EXOC4: variants seen among roughly 807,000 people sequenced by gnomAD.
EXOC4 encodes the protein exocyst complex component 4.
In EXOC4, 71 loss-of-function variants were observed where a neutral mutation model predicts 107.2. The ratio of observed to expected loss-of-function variants is 0.66; its 90% confidence interval spans 0.55 to 0.81. The LOEUF (loss-of-function observed/expected upper bound fraction) is 0.81, where lower values mean the gene tolerates loss of function less well. Among genes scored for constraint, EXOC4 ranks in the 30% least tolerant of loss-of-function variants. The pLI is 0.00. For missense variants in EXOC4, 1,108 were observed against 1,189.6 expected (o/e 0.93, Z 1.01); for synonymous variants, 456 against 441.2 (o/e 1.03, Z -0.42).
intron 10 of EXOC4, among the ~76,000 whole-genome samples, chr7:133,780,198 C>T (rs1322771684): frequency 1.3e-5 from 2 of 151,668 alleles, no homozygotes; most frequent in Non-Finnish European, 2.9e-5. Context: ...TGAAGCAGTG[C>T]CCTAAATGCT....
rs1051649993 is a variant in EXOC4 at position 133,992,887 on chromosome 7, G to C, written c.2207-4605G>C. 3.3e-5 allele frequency among the ~76,000 whole-genome samples: 5 copies of C among 151,392 alleles called. No homozygotes were observed. The East Asian group carries it at 9.7e-4, about 29-fold the overall frequency. On this transcript the variant is annotated intron_variant, in intron 14 of 17. Transcript: ENST00000253861. ...CATTCAGTATATTAGCTGTGGGCCT[G>C]TCATAGATGGCCTTTATCATGATGA...
At chr7:133,836,791 G>A (rs950448084) in intron 11 of EXOC4, among the ~76,000 whole-genome samples, 4 of 151,998 alleles carry the variant, frequency 2.6e-5, no homozygotes, top group African/African-American at 4.8e-5. Context: ...TCCCTCAACC[G>A]CAAGTCCTTG....
At chr7:133,265,816 G>A (rs1362181171) in intron 1 of EXOC4, among the ~76,000 whole-genome samples, 3 of 152,100 alleles carry the variant, frequency 2.0e-5, no homozygotes, top group African/African-American at 4.8e-5. Context: ...TGCAGGTGTC[G>A]CCAAAATTCA....
chr7:133,517,494 C>G (rs1366427324), intron 9 of EXOC4, among the ~76,000 whole-genome samples: 1 of 152,152 alleles, frequency 6.6e-6, no homozygotes, highest in Non-Finnish European at 1.5e-5. Context: ...ATTTACAAAA[C>G]AAAGAGGTTT....
At chr7:133,510,453 G>A (rs146403029) in intron 9 of EXOC4, among the ~76,000 whole-genome samples, 159 of 152,230 alleles carry the variant, frequency 1.0e-3, no homozygotes, top group Admixed American at 2.4e-3. Context: ...TAACACACCT[G>A]GCTTTGAATC....
chr7:133,926,361 A>G (rs1800052565), intron 13 of EXOC4, among the ~76,000 whole-genome samples: 1 of 152,154 alleles, frequency 6.6e-6, no homozygotes, highest in Admixed American at 6.5e-5. Context: ...TTATTCCTTT[A>G]TTTTCATTGA....
At chr7:133,535,730 C>T (rs1438016026) in intron 9 of EXOC4, among the ~76,000 whole-genome samples, 1 of 151,556 alleles carries the variant, frequency 6.6e-6, no homozygotes, top group Non-Finnish European at 1.5e-5. Context: ...GATTTCAGCC[C>T]TGGAATCATA....
At chr7:134,099,620 C>T in the EXOC4 span, among the ~76,000 whole-genome samples, 3 of 151,352 alleles carry the variant, frequency 2.0e-5, no homozygotes, top group Non-Finnish European at 4.4e-5. Context: ...GGCTCCGCCC[C>T]CCGGGGTTCA....
chr7:133,583,994 A>T (rs374448367), intron 9 of EXOC4, among the ~76,000 whole-genome samples: 1 of 152,058 alleles, frequency 6.6e-6, no homozygotes, highest in South Asian at 2.1e-4. Flanking sequence ...GGGGAAGAAG[A>T]AGGGTTATAA....
intron 9 of EXOC4, among the ~76,000 whole-genome samples, chr7:133,616,870 A>T (rs1466428945): frequency 6.6e-6 from 1 of 152,178 alleles, no homozygotes; most frequent in Non-Finnish European, 1.5e-5. Context: ...GAAAAATGTA[A>T]ATAAAACCAT....
At chr7:133,572,220 C>T (rs1801038789) in intron 9 of EXOC4, among the ~76,000 whole-genome samples, 2 of 152,306 alleles carry the variant, frequency 1.3e-5, no homozygotes, top group South Asian at 4.1e-4. Flanking sequence ...AGGTTCTTTA[C>T]TGCACCACCC....
intron 9 of EXOC4, among the ~76,000 whole-genome samples, chr7:133,542,927 A>G (rs1800409140): frequency 6.6e-6 from 1 of 152,172 alleles, no homozygotes; most frequent in Non-Finnish European, 1.5e-5. Context: ...ATAAATGTTA[A>G]TAATATTAAG....
chr7:133,956,418 T>A lies in EXOC4; in HGVS notation c.2206+18349T>A, dbSNP rs577295795. 2.6e-4 allele frequency among the ~76,000 whole-genome samples: 39 copies of A among 152,332 alleles called. 1 individual carries two copies. Among genetic ancestry groups the A allele is most frequent in the African/African-American group, 9.4e-4 (39 of 41,576 alleles). On this transcript the variant is annotated intron_variant, in intron 14 of 17. Coordinates refer to ENST00000253861, the MANE Select transcript of EXOC4 (RefSeq NM_021807.4). ...AATCATTGCAAAGTGAAGCATATAA[T>A]GGCCAATGCTGGAGTGTACAGAAAC...
At position 133,480,030 on chromosome 7, in the gene EXOC4, T is replaced by G. The variant is rs750055029; in HGVS notation, c.1329-20T>G. The G allele has an allele frequency of 4.4e-6, 7 of 1,607,164 alleles. No homozygotes were observed. The South Asian group carries it at 7.7e-5, about 18-fold the overall frequency. On this transcript the variant is annotated intron_variant, in intron 8 of 17. Coordinates refer to ENST00000253861, the MANE Select transcript of EXOC4 (RefSeq NM_021807.4). ...ATTGGTTTACACCTGCTTGTCTGTT[T>G]CCCCTGTGTTTCTCTGCAGGTTCGA...
intron 17 of EXOC4, among the ~76,000 whole-genome samples, chr7:134,028,801 A>G (rs913582982): frequency 6.6e-6 from 1 of 152,216 alleles, no homozygotes; most frequent in Non-Finnish European, 1.5e-5. Flanking sequence ...CCTCTGACCA[A>G]TTTGGAGGAA....
intron 10 of EXOC4, among the ~76,000 whole-genome samples, chr7:133,650,015 G>T (rs540602375): frequency 6.6e-6 from 1 of 152,152 alleles, no homozygotes; most frequent in South Asian, 2.1e-4. Flanking sequence ...TATTTTCTAG[G>T]TTTTTATCCT....
At chr7:133,514,913 C>T (rs1799843916) in intron 9 of EXOC4, among the ~76,000 whole-genome samples, 1 of 152,058 alleles carries the variant, frequency 6.6e-6, no homozygotes, top group African/African-American at 2.4e-5. Flanking sequence ...GCATTTTAAT[C>T]TGATGCATTA....
At chr7:133,317,158 G>T in intron 4 of EXOC4, 126 bp from the exon 5 acceptor site, 1 of 670,476 alleles carries the variant, frequency 1.5e-6, no homozygotes, top group Non-Finnish European at 2.7e-6. Flanking sequence ...GTATATACTG[G>T]GGAGATCCAG....
At chr7:133,550,487 A>G (rs1800564338) in intron 9 of EXOC4, among the ~76,000 whole-genome samples, 1 of 152,206 alleles carries the variant, frequency 6.6e-6, no homozygotes, top group South Asian at 2.1e-4. Context: ...GTTTGAGACT[A>G]TAAAATCTAT....
Sources: allele counts gnomAD v4.1 joint callset (sites outside exome capture counted in the v4.1 genomes callset), GRCh38; gene constraint gnomAD v4.1.1; transcripts MANE v1.5; gene names NCBI Gene and HGNC (gene_info 2026-07-23, HGNC 2026-07-21).